Variants in NFIA observed in about 807,000 individuals in gnomAD.
NFIA encodes nuclear factor I A, also known as nuclear factor 1 A-type.
NFIA carries 8 observed loss-of-function variants against 62.8 expected under a neutral mutation model. The observed-to-expected ratio is 0.13, with a 90% CI of 0.07 to 0.23. The LOEUF is 0.23. Among genes scored for constraint, NFIA ranks in the 10% least tolerant of loss-of-function variants. NFIA has a pLI of 1.00. For synonymous variants in NFIA, 235 were observed against 238.1 expected (o/e 0.99, Z 0.12); for missense variants, 410 against 642.1 (o/e 0.64, Z 3.91).
intron 7 of NFIA, among the ~76,000 whole-genome samples, chr1:61,389,771 A>G (rs895157851): frequency 7.2e-5 from 11 of 152,032 alleles, no homozygotes; most frequent in Non-Finnish European, 4.4e-5. Flanking sequence ...GCAGCCATAA[A>G]CAAATCACTT....
intron 2 of NFIA, among the ~76,000 whole-genome samples, chr1:61,114,326 A>ATTT (rs951837302): frequency 3.4e-5 from 5 of 146,484 alleles, no homozygotes; most frequent in African/African-American, 7.4e-5. Context: ...TCTTAAAAAA[A>ATTT]TTTTTTTTTT....
chr1:61,230,466 T>C (rs1414680189), intron 2 of NFIA, among the ~76,000 whole-genome samples: 2 of 152,114 alleles, frequency 1.3e-5, no homozygotes, highest in African/African-American at 4.8e-5. Context: ...TCCACTAAGT[T>C]CCCCGAGTCC....
rs149755055 is a variant in NFIA at position 61,207,717 on chromosome 1, T to C, written c.560-69803T>C. The stretch of plus-strand genomic sequence containing the variant: ...CACCAACAGCAAAGCGATTCATGAG[T>C]GAAAAGCCTTCTCTGGTGCTGCCAT... On this transcript the variant is annotated intron_variant, in intron 2 of 10. Transcript: ENST00000403491. Among the ~76,000 whole-genome samples, 358 of 152,328 alleles carry C rather than the reference T, an allele frequency of 2.4e-3. 3 individuals carry two copies. Among genetic ancestry groups the C allele is most frequent in the Non-Finnish European group, 4.2e-3 (288 of 68,032 alleles).
chr1:61,352,365 G>T, intron 4 of NFIA, 85 bp from the exon 5 acceptor site: 4 of 900,044 alleles, frequency 4.4e-6, no homozygotes, highest in Non-Finnish European at 7.2e-6. Context: ...AAAAGAAAAT[G>T]TGCTAAATGC....
chr1:61,227,857 G>A (rs546518422), intron 2 of NFIA, among the ~76,000 whole-genome samples: 7 of 152,214 alleles, frequency 4.6e-5, no homozygotes, highest in African/African-American at 1.2e-4. Context: ...CATTATCTCA[G>A]GTTTTAAATG....
intron 9 of NFIA, among the ~76,000 whole-genome samples, chr1:61,408,572 C>A (rs1665957033): frequency 6.6e-6 from 1 of 152,194 alleles, no homozygotes; most frequent in African/African-American, 2.4e-5. Flanking sequence ...TTAAAAGCTG[C>A]ATAGTAATAT....
chr1:61,108,632 ATTCTTGATTTTTTT>A (rs1202543212), intron 2 of NFIA, among the ~76,000 whole-genome samples: 2 of 151,574 alleles, frequency 1.3e-5, no homozygotes, highest in African/African-American at 4.8e-5. Context: ...GATAGTGGGC[ATTCTTGATTTTTTT>A]TTCTTGATTT....
At chr1:61,360,355 T>A (rs946981215) in intron 6 of NFIA, among the ~76,000 whole-genome samples, 23 of 152,230 alleles carry the variant, frequency 1.5e-4, no homozygotes, top group Admixed American at 2.6e-4. Context: ...ATCAGACAGT[T>A]GGAGTGCCAA....
intron 7 of NFIA, among the ~76,000 whole-genome samples, 181 bp from the exon 8 acceptor site, chr1:61,403,923 C>T (rs903870485): frequency 2.0e-5 from 3 of 152,130 alleles, no homozygotes; most frequent in Non-Finnish European, 2.9e-5. Flanking sequence ...ATCTAACCTC[C>T]GTGTTTGTCT....
At chr1:61,177,687 T>TGTGTGTGTGTGTG (rs1320614818) in intron 2 of NFIA, among the ~76,000 whole-genome samples, 1 of 124,506 alleles carries the variant, frequency 8.0e-6, no homozygotes, top group African/African-American at 2.9e-5. Flanking sequence ...GTGTGTGTGT[T>TGTGTGTGTGTGTG]GGAATACCAT....
chr1:61,093,030 TATAA>T (rs1445898438), intron 2 of NFIA, among the ~76,000 whole-genome samples: 2 of 152,220 alleles, frequency 1.3e-5, no homozygotes, highest in Non-Finnish European at 1.5e-5. Flanking sequence ...TTATAATTTT[TATAA>T]ATAAATCGCA....
intron 2 of NFIA, among the ~76,000 whole-genome samples, chr1:61,165,538 C>T (rs756673586): frequency 1.3e-5 from 2 of 152,208 alleles, no homozygotes; most frequent in Non-Finnish European, 2.9e-5. Context: ...AAAACCATAT[C>T]TGTTTGACTC....
chr1:61,092,398 G>A (rs1309854372), intron 2 of NFIA, among the ~76,000 whole-genome samples: 2 of 152,112 alleles, frequency 1.3e-5, no homozygotes, highest in Admixed American at 6.6e-5. Context: ...ACTTTTGCAC[G>A]GTAATCTTTT....
intron 2 of NFIA, among the ~76,000 whole-genome samples, chr1:61,189,247 T>TTCTAATCAG (rs1171597023): frequency 2.6e-5 from 4 of 151,784 alleles, no homozygotes; most frequent in African/African-American, 9.7e-5. Context: ...AAGATTAGAG[T>TTCTAATCAG]GTGGAGCTGG....
intron 3 of NFIA, among the ~76,000 whole-genome samples, chr1:61,283,778 G>A (rs1658313662): frequency 6.6e-6 from 1 of 151,712 alleles, no homozygotes; most frequent in African/African-American, 2.4e-5. Context: ...CACATGTATA[G>A]TAGATATATT....
At chr1:61,373,923 T>C (rs549140870) in intron 6 of NFIA, among the ~76,000 whole-genome samples, 30 of 152,278 alleles carry the variant, frequency 2.0e-4, no homozygotes, top group African/African-American at 5.3e-4. Flanking sequence ...AGCTGTCCAA[T>C]AGAATTTTCT....
At chr1:61,126,957 T>C (rs1415285985) in intron 2 of NFIA, among the ~76,000 whole-genome samples, 1 of 151,428 alleles carries the variant, frequency 6.6e-6, no homozygotes, top group Non-Finnish European at 1.5e-5. Context: ...ACTGTCCGAC[T>C]AGTTTTTGTA....
intron 2 of NFIA, among the ~76,000 whole-genome samples, chr1:61,099,882 GC>G (rs1355752214): frequency 6.6e-6 from 1 of 152,084 alleles, no homozygotes; most frequent in Non-Finnish European, 1.5e-5. Context: ...TTCCCTTTAT[GC>G]CAGTGAGGAA....
At chr1:61,161,669 A>G (rs1000995489) in intron 2 of NFIA, among the ~76,000 whole-genome samples, 2 of 152,010 alleles carry the variant, frequency 1.3e-5, no homozygotes, top group African/African-American at 4.8e-5. Context: ...TGAGTTTATC[A>G]GGATGTAACT....
Sources: allele counts gnomAD v4.1 joint callset (sites outside exome capture counted in the v4.1 genomes callset), GRCh38; gene constraint gnomAD v4.1.1; transcripts MANE v1.5; gene names NCBI Gene and HGNC (gene_info 2026-07-23, HGNC 2026-07-21).